Variants in ME3 observed in about 807,000 individuals in gnomAD.
ME3 encodes the protein NADP-dependent malic enzyme, mitochondrial.
A neutral mutation model predicts 68.9 loss-of-function variants in ME3; 48 were observed. That is an observed-to-expected ratio of 0.70 (90% CI 0.55 to 0.89). The LOEUF is 0.89. ME3 is among the 40% of genes least tolerant of loss of function. ME3 has a pLI of 0.00. For synonymous variants in ME3, 320 were observed against 318.8 expected, an observed-to-expected ratio of 1.00 and a Z score of -0.04; for missense variants, 675 against 797.4, an observed-to-expected ratio of 0.85 and a Z score of 1.85.
At chr11:86,572,573 G>A (rs1432951013) in intron 2 of ME3, among the ~76,000 whole-genome samples, 1 of 152,078 alleles carries the variant, frequency 6.6e-6, no homozygotes, top group African/African-American at 2.4e-5. Context: ...GAGGATGATG[G>A]CTTCCAGCTT....
chr11:86,475,903 A>G (rs1482673946), intron 7 of ME3, among the ~76,000 whole-genome samples: 2 of 144,700 alleles, frequency 1.4e-5, no homozygotes, highest in African/African-American at 5.2e-5. Flanking sequence ...AGAGAGAGAA[A>G]GAGAAAGAGA....
intron 2 of ME3, among the ~76,000 whole-genome samples, chr11:86,560,746 G>GTATATATATATATA (rs1456434091): frequency 1.1e-5 from 1 of 90,280 alleles, no homozygotes; most frequent in African/African-American, 4.8e-5. Context: ...GTGTGTGTGT[G>GTATATATATATATA]TGTATATATA....
chr11:86,646,620 AAC>A (rs1228132748), intron 2 of ME3, among the ~76,000 whole-genome samples: 2 of 152,248 alleles, frequency 1.3e-5, no homozygotes, highest in African/African-American at 4.8e-5. Context: ...CAAGTTGGGA[AAC>A]ACACTTCAGG....
At chr11:86,583,367 C>G (rs1436134069) in intron 2 of ME3, among the ~76,000 whole-genome samples, 1 of 151,994 alleles carries the variant, frequency 6.6e-6, no homozygotes, top group Non-Finnish European at 1.5e-5. Flanking sequence ...TTGCACCAAC[C>G]GAATACAAGA....
At chr11:86,649,504 G>C (rs1310417147) in intron 2 of ME3, among the ~76,000 whole-genome samples, 1 of 152,210 alleles carries the variant, frequency 6.6e-6, no homozygotes, top group Non-Finnish European at 1.5e-5. Flanking sequence ...TATTCAAATA[G>C]GAAGAGAGGA....
chr11:86,498,022 C>T (rs919623118), exon 6 of ME3: 11 of 1,613,086 alleles, frequency 6.8e-6, no homozygotes, highest in African/African-American at 4.0e-5. Context: ...TTCACCCCTC[C>T]GCATGCCGTG....
intron 2 of ME3, among the ~76,000 whole-genome samples, chr11:86,612,131 C>A (rs1942627559): frequency 6.6e-6 from 1 of 152,124 alleles, no homozygotes; most frequent in Admixed American, 6.6e-5. Flanking sequence ...TCTAATTTTT[C>A]AACTCCCACT....
At chr11:86,616,849 A>C (rs1317082586) in intron 2 of ME3, among the ~76,000 whole-genome samples, 1 of 152,148 alleles carries the variant, frequency 6.6e-6, no homozygotes, top group African/African-American at 2.4e-5. Context: ...ACCAATAGAA[A>C]AACTGGTGAA....
Position 86,531,152 on chromosome 11 carries a change from G to GA in ME3, c.468-22286dup, listed in dbSNP as rs1288775191. Among the ~76,000 whole-genome samples the GA allele has an allele frequency of 2.6e-5, 4 of 151,338 alleles. 1 individual carries two copies. The highest frequency in any genetic ancestry group is 3.9e-4 in the East Asian group (2 of 5,180). On this transcript the variant is annotated intron_variant, in intron 4 of 14. Coordinates refer to ENST00000543262, the Ensembl canonical transcript of ME3. ...ACAAAGAACTCAAACAAATTTACAAGAAAAAAACAAACAACCCCATCAACA... is the reference window on the plus strand; with the variant it reads ...ACAAAGAACTCAAACAAATTTACAAGAAAAAAAACAAACAACCCCATCAACA...
intron 2 of ME3, among the ~76,000 whole-genome samples, chr11:86,644,226 C>G (rs912166887): frequency 1.3e-5 from 2 of 152,154 alleles, no homozygotes; most frequent in African/African-American, 4.8e-5. Flanking sequence ...CGTGACCCCT[C>G]CATCCCAGCA....
intron 7 of ME3, among the ~76,000 whole-genome samples, chr11:86,481,903 C>T (rs1326010417): frequency 6.6e-6 from 1 of 152,168 alleles, no homozygotes; most frequent in Non-Finnish European, 1.5e-5. Context: ...CATTGCTAAT[C>T]AACCATGATG....
Position 86,572,721 on chromosome 11 carries a change from A to G in ME3, c.184-12898T>C, listed in dbSNP as rs373503344. ...TGGTTCCATGCCTTTGCTATTGTAA[A>G]TGGTGCTGCAATAAACATATATGTG... On this transcript the variant is annotated intron_variant, in intron 2 of 14. Coordinates refer to ENST00000543262, the Ensembl canonical transcript of ME3. Among the ~76,000 whole-genome samples, 3 of 152,272 alleles carry G rather than the reference A, an allele frequency of 2.0e-5. No homozygotes were observed. The South Asian group carries it at 6.2e-4, about 32-fold the overall frequency.
intron 2 of ME3, among the ~76,000 whole-genome samples, chr11:86,574,405 G>A (rs923908989): frequency 1.5e-4 from 22 of 149,084 alleles, no homozygotes; most frequent in African/African-American, 4.5e-4. Flanking sequence ...GCCGGGGGGG[G>A]GGGGGGTGTC....
intron 4 of ME3, among the ~76,000 whole-genome samples, chr11:86,538,977 C>A (rs1171825088): frequency 6.6e-6 from 1 of 152,184 alleles, no homozygotes; most frequent in Non-Finnish European, 1.5e-5. Flanking sequence ...GGTCATATAT[C>A]TACACCTAAA....
At chr11:86,456,498 G>T (rs930210876) in intron 8 of ME3, among the ~76,000 whole-genome samples, 1 of 152,116 alleles carries the variant, frequency 6.6e-6, no homozygotes, top group Non-Finnish European at 1.5e-5. Flanking sequence ...GCTTGGCCCT[G>T]TCAGTCACCC....
intron 2 of ME3, among the ~76,000 whole-genome samples, chr11:86,605,572 G>C (rs758088887): frequency 7.9e-5 from 12 of 152,298 alleles, no homozygotes; most frequent in Non-Finnish European, 1.5e-4. Context: ...TTCTAGCCAT[G>C]ACAATCTATG....
rs760548451 is a variant in ME3 at position 86,671,719 on chromosome 11, C to T, written c.183+43G>A. On this transcript the variant is annotated intron_variant, in intron 2 of 14. Coordinates refer to ENST00000543262, the Ensembl canonical transcript of ME3. The stretch of plus-strand genomic sequence containing the variant: ...GGGCGGGGCGCAATTTTCCGGCAGC[C>T]ACGGGATCGCAACGCGGGCCGTCCT... The T allele has an allele frequency of 1.9e-6, 3 of 1,588,724 alleles. No individual in the cohort carries two copies. The South Asian group carries it at 3.4e-5, about 18-fold the overall frequency.
chr11:86,561,924 A>AT (rs1957257056), intron 2 of ME3, among the ~76,000 whole-genome samples: 1 of 152,134 alleles, frequency 6.6e-6, no homozygotes, highest in South Asian at 2.1e-4. Flanking sequence ...CTATTAAATA[A>AT]TTTTTTAAAA....
At chr11:86,637,655 G>A (rs4944613) in intron 2 of ME3, among the ~76,000 whole-genome samples, 32,324 of 152,030 alleles carry the variant, frequency 0.21, 3,770 homozygotes, top group East Asian at 0.4. Context: ...GGCCTTGTGC[G>A]TTGTGCTAAG....
Sources: gnomAD v4.1 joint callset for allele counts (sites outside exome capture counted in the v4.1 genomes callset) on GRCh38, gnomAD v4.1.1 for gene constraint, MANE v1.5 for transcripts, NCBI Gene and HGNC (gene_info 2026-07-23, HGNC 2026-07-21) for gene names.